Variants in CFAP46 observed in about 807,000 individuals in gnomAD.
The protein encoded by CFAP46 is cilia and flagella associated protein 46.
In CFAP46, 245 loss-of-function variants were observed where a neutral mutation model predicts 325.7. The observed-to-expected ratio is 0.75, with a 90% CI of 0.68 to 0.84. The LOEUF (loss-of-function observed/expected upper bound fraction) is 0.84. CFAP46 is among the 40% of genes least tolerant of loss of function. The pLI, the probability that CFAP46 is intolerant of heterozygous loss-of-function variation, is 0.00. For missense variants in CFAP46, 3,346 were observed against 3,543.0 expected (o/e 0.94, Z 1.41); for synonymous variants, 1,523 against 1,495.9 (o/e 1.02, Z -0.42).
At position 132,814,590 on chromosome 10, in the gene CFAP46, C is replaced by T. The variant is rs1371697328; in HGVS notation, c.7272G>A (p.Glu2424=). ...NFKFVVDPYE[E]AQGPEMLTPV... is the part of the protein sequence containing the mutation. Reference sequence around the variant, plus strand: ...TGCAGCACCCACCTGGGCCCTGGGCCTCCTCGTATGGGTCCACGACGACTG... The same window carrying T: ...TGCAGCACCCACCTGGGCCCTGGGCTTCCTCGTATGGGTCCACGACGACTG... The change falls in exon 53 of 58, where the codon GAG becomes GAA. Residue 2424 remains glutamate, a synonymous_variant. Coordinates refer to ENST00000368586, the MANE Select transcript of CFAP46 (RefSeq NM_001200049.3). The T allele has an allele frequency of 1.9e-6, 3 of 1,568,496 alleles. No homozygotes were observed. In the South Asian group the frequency reaches 3.5e-5, roughly 18 times the overall value.
At chr10:132,923,722 G>A (rs189390265) in intron 11 of CFAP46, among the ~76,000 whole-genome samples, 14 of 152,312 alleles carry the variant, frequency 9.2e-5, no homozygotes, top group South Asian at 8.3e-4. Flanking sequence ...GTGGGAAGTC[G>A]AAGGAAGGCC....
intron 57 of CFAP46, among the ~76,000 whole-genome samples, chr10:132,809,849 C>T (rs540934657): frequency 1.3e-5 from 2 of 152,308 alleles, no homozygotes; most frequent in East Asian, 1.9e-4. Flanking sequence ...AAGAGAGGGA[C>T]GGGCGCTGGA....
intron 25 of CFAP46, among the ~76,000 whole-genome samples, chr10:132,888,749 A>G (rs113832048): frequency 0.019 from 599 of 32,106 alleles, 25 homozygotes; most frequent in African/African-American, 0.022. Context: ...CACCCCTGCC[A>G]CCTTCACCCC....
intron 44 of CFAP46, among the ~76,000 whole-genome samples, chr10:132,844,842 G>A (rs778620820): frequency 2.6e-5 from 4 of 152,158 alleles, no homozygotes; most frequent in East Asian, 1.9e-4. Context: ...AGTGCTGCCC[G>A]GGGCAGCCCA....
chr10:132,821,481 C>T (rs553523154), intron 50 of CFAP46, among the ~76,000 whole-genome samples: 1 of 126,584 alleles, frequency 7.9e-6, no homozygotes, highest in African/African-American at 3.2e-5. Context: ...GTTGTGTGTG[C>T]TGTGTGAGTG....
chr10:132,937,747 A>AGAT, intron 5 of CFAP46, 72 bp from the exon 6 acceptor site: 1 of 1,521,130 alleles, frequency 6.6e-7, no homozygotes, highest in Non-Finnish European at 8.8e-7. Context: ...CCAGGTTATT[A>AGAT]AACCATTACA....
At chr10:132,924,405 C>G (rs1033237615) in intron 11 of CFAP46, among the ~76,000 whole-genome samples, 1 of 150,132 alleles carries the variant, frequency 6.7e-6, no homozygotes, top group African/African-American at 2.5e-5. Flanking sequence ...ACCAGCCCCC[C>G]ACTCCCGGCC....
intron 29 of CFAP46, among the ~76,000 whole-genome samples, chr10:132,878,700 G>C (rs1283580994): frequency 6.6e-6 from 1 of 152,296 alleles, no homozygotes; most frequent in East Asian, 1.9e-4. Context: ...GGGGGTTAGC[G>C]TGGAGCATTC....
At chr10:132,909,088 G>A (rs1001533258) in intron 21 of CFAP46, 49 bp downstream of exon 21, 49 of 1,371,868 alleles carry the variant, frequency 3.6e-5, no homozygotes, top group Middle Eastern at 2.3e-4. Flanking sequence ...GAGCCTCGGC[G>A]TCCTCGCCTC....
Position 132,814,841 on chromosome 10 carries a change from C to CACCT in CFAP46, c.7187_7188+2dup. ...CGATCCCCTATCACAGGCCCCCACCCACCTTCCTGCCCTTCTTCGCTAGGC... is the reference window on the plus strand; with the variant it reads ...CGATCCCCTATCACAGGCCCCCACCCACCTACCTTCCTGCCCTTCTTCGCTAGGC... On this transcript the variant is annotated splice_region_variant and intron_variant, in intron 51 of 57. Coordinates refer to ENST00000368586, the MANE Select transcript of CFAP46 (RefSeq NM_001200049.3). The CACCT allele has an allele frequency of 6.2e-7, 1 of 1,614,210 alleles. No homozygotes were observed. The highest frequency in any genetic ancestry group is 8.5e-7 in the Non-Finnish European group (1 of 1,180,016).
Position 132,847,410 on chromosome 10 carries a change from G to A in CFAP46, c.5953-89C>T, listed in dbSNP as rs769335934. ...CCCACCCAGGGAGGCCGGGGTGGTC[G>A]GGCTCCTCAGCAGGGTCCCCGGGTA... On this transcript the variant is annotated intron_variant, in intron 41 of 57. Coordinates refer to ENST00000368586, the MANE Select transcript of CFAP46 (RefSeq NM_001200049.3). This position sits in a 1 kb window ranked among gnomAD's most constrained non-coding sequence, Gnocchi z 5.2. 52 of 1,529,960 alleles carry A rather than the reference G, an allele frequency of 3.4e-5. No individual in the cohort carries two copies. In the Admixed American group the frequency reaches 4.9e-4, roughly 14 times the overall value. The allele number at this position is 1,529,960 out of a possible 1,614,324, so 94.8% of individuals were successfully genotyped here. A position where few individuals can be genotyped will look rare whatever the true frequency, so the allele number is the denominator to read the frequency against.
chr10:132,922,552 C>T lies in CFAP46; in HGVS notation c.1413G>A (p.Arg471=). 3 of 1,547,846 alleles carry T rather than the reference C, an allele frequency of 1.9e-6. No individual in the cohort carries two copies. The South Asian group carries it at 3.6e-5, about 18-fold the overall frequency. ...GGTATAGCGTGGTGCACAGACGCAG[C>T]CGGGTGGAGGCCATCTGGATCCTGT... The part of the protein sequence containing the change: ...YRDRIQMAST[R]LRLCTTLYQA... Residue 471 remains arginine, a synonymous_variant, in exon 12 of 58, where the codon CGG becomes CGA. Transcript: ENST00000368586.
At chr10:132,922,425 C>T (rs987093174) in intron 12 of CFAP46, 55 bp downstream of exon 12, 64 of 1,492,478 alleles carry the variant, frequency 4.3e-5, no homozygotes, top group Middle Eastern at 2.4e-4. Flanking sequence ...AGCCCCGCCC[C>T]GGCCCCATGC....
chr10:132,825,197 C>G (rs572155950), intron 50 of CFAP46, among the ~76,000 whole-genome samples: 2 of 121,112 alleles, frequency 1.7e-5, no homozygotes, highest in African/African-American at 3.3e-5. Context: ...GTGCTGTGTG[C>G]GCTGTGTGCT....
chr10:132,942,527 T>C lies in CFAP46; in HGVS notation c.-43A>G. On this transcript the variant is annotated 5_prime_UTR_variant, in exon 1 of 58. Coordinates refer to ENST00000368586, the MANE Select transcript of CFAP46 (RefSeq NM_001200049.3). Reference sequence around the variant, plus strand: ...CGTCCGCTCTCTCCGGGGTCCGCGGTGCGTCCTGCCGCCCACTGTCGGTTG... The same window carrying C: ...CGTCCGCTCTCTCCGGGGTCCGCGGCGCGTCCTGCCGCCCACTGTCGGTTG... 8.0e-7 allele frequency: 1 copy of C among 1,254,120 alleles called. No individual in the cohort carries two copies. The highest frequency in any genetic ancestry group is 1.6e-5 in the African/African-American group (1 of 64,440). The allele number at this position is 1,254,120 out of a possible 1,614,324, so 77.7% of individuals were successfully genotyped here.
chr10:132,814,371 C>T (rs1282414714), intron 53 of CFAP46, 117 bp from the exon 54 acceptor site: 11 of 1,059,162 alleles, frequency 1.0e-5, no homozygotes, highest in Non-Finnish European at 1.3e-5. Context: ...AGTGCCCTGC[C>T]ATGCCCGGGT....
intron 48 of CFAP46, 95 bp downstream of exon 48, chr10:132,834,559 A>G: frequency 6.6e-7 from 1 of 1,520,312 alleles, no homozygotes; most frequent in Non-Finnish European, 8.9e-7. Flanking sequence ...GCGGCCGAGA[A>G]GGCACAGCAA....
At chr10:132,941,378 C>T (rs367891242) in intron 3 of CFAP46, among the ~76,000 whole-genome samples, 5 of 152,224 alleles carry the variant, frequency 3.3e-5, no homozygotes, top group Non-Finnish European at 5.9e-5. Flanking sequence ...CACGCTGCTA[C>T]GAGGCAAAGG....
chr10:132,901,008 G>A (rs924823990), intron 22 of CFAP46, among the ~76,000 whole-genome samples: 3 of 152,190 alleles, frequency 2.0e-5, no homozygotes, highest in African/African-American at 2.4e-5. Context: ...ACCTCGGATC[G>A]CGTGCCTGGG....
Sources: allele counts gnomAD v4.1 joint callset (sites outside exome capture counted in the v4.1 genomes callset), GRCh38; gene constraint gnomAD v4.1.1; non-coding constraint Gnocchi (gnomAD v3.1); transcripts MANE v1.5; gene names NCBI Gene and HGNC (gene_info 2026-07-23, HGNC 2026-07-21).